GRIK4: variants seen among roughly 807,000 people sequenced by gnomAD.
GRIK4 encodes the protein glutamate receptor ionotropic, kainate 4.
In GRIK4, 40 loss-of-function variants were observed where a neutral mutation model predicts 104.9. The ratio of observed to expected loss-of-function variants is 0.38; its 90% CI spans 0.30 to 0.50. GRIK4 has a LOEUF of 0.50. GRIK4 is among the 20% of genes least tolerant of loss of function. The pLI is 0.93. For synonymous variants in GRIK4, 485 were observed against 524.9 expected (o/e 0.92, Z 1.04); for missense variants, 1,047 against 1,308.1 (o/e 0.80, Z 3.08).
At position 120,839,450 on chromosome 11, in the gene GRIK4, A is replaced by G. The variant is rs111670659; in HGVS notation, c.744+2606A>G. Among the ~76,000 whole-genome samples the G allele has an allele frequency of 5.0e-3, 757 of 152,332 alleles. 2 individuals carry two copies. The highest frequency in any genetic ancestry group is 0.01 in the Middle Eastern group (3 of 294). ...CCAGGAACCTCTTCTGTAAGTGGAC[A>G]CTAATAGTACCTGCCTCGGGAGATA... On this transcript the variant is annotated intron_variant, in intron 8 of 20. Coordinates refer to ENST00000527524, the MANE Select transcript of GRIK4 (RefSeq NM_014619.5).
At chr11:120,711,423 G>A (rs1186211156) in intron 3 of GRIK4, among the ~76,000 whole-genome samples, 2 of 152,174 alleles carry the variant, frequency 1.3e-5, no homozygotes, top group Admixed American at 6.5e-5. Flanking sequence ...GGTGTGCAGA[G>A]AGAAGCAAAT....
intron 3 of GRIK4, among the ~76,000 whole-genome samples, chr11:120,801,232 T>C (rs1952614873): frequency 6.6e-6 from 1 of 152,170 alleles, no homozygotes; most frequent in African/African-American, 2.4e-5. Flanking sequence ...CCTAATGGTG[T>C]GTTTGTTTTT....
At position 120,667,042 on chromosome 11, in the gene GRIK4, G is replaced by A. The variant is rs552592383; in HGVS notation, c.82+6642G>A. Among the ~76,000 whole-genome samples, 34 of 152,340 alleles carry A rather than the reference G, an allele frequency of 2.2e-4. No individual in the cohort carries two copies. The South Asian group carries it at 6.2e-3, about 28-fold the overall frequency. On this transcript the variant is annotated intron_variant, in intron 3 of 20. Transcript: ENST00000527524. ...TTGGATACCAAGGTCCCCATACCCG[G>A]AGGGGGCCACACAGGTCGGACAGGG...
intron 3 of GRIK4, among the ~76,000 whole-genome samples, chr11:120,724,933 A>T (rs1951001557): frequency 6.6e-6 from 1 of 152,190 alleles, no homozygotes; most frequent in Non-Finnish European, 1.5e-5. Context: ...CTGTGTTTAT[A>T]GTGATTCTAT....
In GRIK4 at chr11:120,874,093, G is replaced by T. The variant is rs767820637; in HGVS notation, c.934G>T (p.Val312Phe). 1.2e-6 allele frequency: 2 copies of T among 1,613,138 alleles called. No individual in the cohort carries two copies. Among genetic ancestry groups the T allele is most frequent in the African/African-American group, 2.7e-5 (2 of 74,858 alleles). Residue 312 changes from valine to phenylalanine, a missense_variant, in exon 10 of 21, where the codon GTC becomes TTC. By Grantham distance (50) the Val-to-Phe change is conservative. Coordinates refer to ENST00000527524, the MANE Select transcript of GRIK4 (RefSeq NM_014619.5). ...CTCCTCGGCCCTGCTGTTTGATGCT[G>T]TCTATGCTGTGGTGACTGCGGTGCA... The part of the protein sequence containing the change: ...ALSSALLFDA[V>F]YAVVTAVQEL...
At chr11:120,974,500 C>G (rs1234171734) in intron 19 of GRIK4, among the ~76,000 whole-genome samples, 3 of 152,184 alleles carry the variant, frequency 2.0e-5, no homozygotes, top group Admixed American at 2.0e-4. Flanking sequence ...GTGCCAGTGC[C>G]TAACATAATC....
chr11:120,961,989 A>G (rs188415128), intron 17 of GRIK4, among the ~76,000 whole-genome samples: 1 of 152,280 alleles, frequency 6.6e-6, no homozygotes, highest in African/African-American at 2.4e-5. Context: ...TGATTGATCA[A>G]TTGGTTTAGG....
At chr11:120,863,327 C>T (rs1321383290) in intron 9 of GRIK4, among the ~76,000 whole-genome samples, 1 of 152,204 alleles carries the variant, frequency 6.6e-6, no homozygotes, top group Non-Finnish European at 1.5e-5. Flanking sequence ...TTATTCAGTA[C>T]AGTCACATAC....
chr11:120,927,673 T>A (rs1565444126), intron 13 of GRIK4, among the ~76,000 whole-genome samples: 1 of 152,110 alleles, frequency 6.6e-6, no homozygotes, highest in Non-Finnish European at 1.5e-5. Flanking sequence ...CAATTATGAA[T>A]GTGGTCAACA....
chr11:120,974,360 C>G (rs958637898), intron 19 of GRIK4, among the ~76,000 whole-genome samples: 2 of 152,082 alleles, frequency 1.3e-5, no homozygotes, highest in Non-Finnish European at 2.9e-5. Flanking sequence ...TCACGTGTGC[C>G]TAAAGGAAGG....
At chr11:120,598,505 A>C (rs1948837699) in intron 1 of GRIK4, among the ~76,000 whole-genome samples, 1 of 152,194 alleles carries the variant, frequency 6.6e-6, no homozygotes, top group Admixed American at 6.5e-5. Context: ...GGCACGGTAT[A>C]GTGGTTAACT....
At chr11:120,785,445 T>C (rs1293410850) in intron 3 of GRIK4, among the ~76,000 whole-genome samples, 1 of 152,160 alleles carries the variant, frequency 6.6e-6, no homozygotes, top group Non-Finnish European at 1.5e-5. Flanking sequence ...CCAGAGACCT[T>C]ACAAAGTGGC....
At chr11:120,622,882 T>C (rs1051626688) in intron 1 of GRIK4, among the ~76,000 whole-genome samples, 1 of 152,238 alleles carries the variant, frequency 6.6e-6, no homozygotes, top group African/African-American at 2.4e-5. Flanking sequence ...GTGGTTTACT[T>C]AGGGCCCCCC....
At chr11:120,526,453 C>T (rs35594498) in intron 1 of GRIK4, among the ~76,000 whole-genome samples, 11,339 of 152,296 alleles carry the variant, frequency 0.074, 468 homozygotes, top group Middle Eastern at 0.095. Context: ...CCACCTCGGC[C>T]TCTCAAAGCC....
intron 8 of GRIK4, among the ~76,000 whole-genome samples, chr11:120,839,661 G>A (rs1953666821): frequency 6.6e-6 from 1 of 152,212 alleles, no homozygotes; most frequent in Non-Finnish European, 1.5e-5. Context: ...TAAGAAATAG[G>A]ACTAGGTAGT....
At chr11:120,755,659 T>A (rs1951639297) in intron 3 of GRIK4, among the ~76,000 whole-genome samples, 1 of 150,670 alleles carries the variant, frequency 6.6e-6, no homozygotes, top group Non-Finnish European at 1.5e-5. Context: ...ATAATAATAA[T>A]AATAAAAATA....
chr11:120,655,026 C>T (rs763981065), intron 2 of GRIK4, among the ~76,000 whole-genome samples: 28 of 152,086 alleles, frequency 1.8e-4, no homozygotes, highest in Non-Finnish European at 3.1e-4. Context: ...AATGCACACA[C>T]CAAACTGGGA....
chr11:120,709,973 G>A (rs994656474), intron 3 of GRIK4, among the ~76,000 whole-genome samples: 3 of 152,200 alleles, frequency 2.0e-5, no homozygotes, highest in Non-Finnish European at 1.5e-5. Flanking sequence ...AGGCGAGGGT[G>A]CTTTGGAAAC....
intron 6 of GRIK4, among the ~76,000 whole-genome samples, chr11:120,821,668 C>T (rs1022120394): frequency 2.0e-5 from 3 of 152,270 alleles, no homozygotes; most frequent in Non-Finnish European, 4.4e-5. Flanking sequence ...GACCCTCAGA[C>T]GTGGAGAAAG....
Sources: allele counts gnomAD v4.1 joint callset (sites outside exome capture counted in the v4.1 genomes callset), GRCh38; gene constraint gnomAD v4.1.1; transcripts MANE v1.5; gene names NCBI Gene and HGNC (gene_info 2026-07-23, HGNC 2026-07-21).